Variants in TRIM61 observed in about 807,000 individuals in gnomAD.
The protein encoded by TRIM61 is putative tripartite motif-containing protein 61.
TRIM61 carries 1 observed loss-of-function variant against 14.2 expected under a neutral mutation model. The ratio of observed to expected loss-of-function variants is 0.07; its 90% CI spans 0.03 to 0.33. The LOEUF (loss-of-function observed/expected upper bound fraction) is 0.33. Ranked by LOEUF, TRIM61 falls within the 10% of genes least tolerant of loss-of-function variation. The pLI, the probability that TRIM61 is intolerant of heterozygous loss-of-function variation, is 0.99. For synonymous variants in TRIM61, 8 were observed against 71.6 expected (o/e 0.11, Z 4.49); for missense variants, 19 against 202.2 (o/e 0.09, Z 5.49).
rs146266714 is a variant in TRIM61 at position 164,967,805 on chromosome 4, C to T, written c.525+1673G>A. Among the ~76,000 whole-genome samples, 1,139 of 150,524 alleles carry T rather than the reference C, an allele frequency of 7.6e-3. 11 individuals are homozygous for T. Among genetic ancestry groups the T allele is most frequent in the African/African-American group, 0.026 (1,070 of 40,836 alleles). ...GCTTGAGGCCACAAGTTCAACACCA[C>T]GCTGGGCAAAATAGAAAAATAAAAA... On this transcript the variant is annotated intron_variant, in intron 3 of 4. Transcript: ENST00000329314.
chr4:164,957,210 C>T, intron 3 of TRIM61: 1 of 1,614,038 alleles, frequency 6.2e-7, no homozygotes, highest in Non-Finnish European at 8.5e-7. Context: ...CTCAGACATC[C>T]AGGGACGACC....
Position 164,955,612 on chromosome 4 carries a change from C to T in TRIM61, c.526-516G>A, listed in dbSNP as rs75228424. 8.8e-4 allele frequency among the ~76,000 whole-genome samples: 129 copies of T among 146,444 alleles called. 3 individuals carry two copies. The East Asian group carries it at 0.015, about 17-fold the overall frequency. On this transcript the variant is annotated intron_variant, in intron 3 of 4. Transcript: ENST00000329314. ...AAAACAAGTTTTCCAGAAGATATGT[C>T]TTTATTGGTGTTTATATTTACAGAA...
chr4:164,957,217 G>C, intron 3 of TRIM61: 1 of 1,613,984 alleles, frequency 6.2e-7, no homozygotes, highest in Non-Finnish European at 8.5e-7. Context: ...ATCCAGGGAC[G>C]ACCACATTCG....
intron 1 of TRIM61, among the ~76,000 whole-genome samples, chr4:164,977,313 C>T (rs1410818750): frequency 6.6e-6 from 1 of 152,180 alleles, no homozygotes; most frequent in African/African-American, 2.4e-5. Flanking sequence ...TAATTCAGAT[C>T]ATAACATTTA....
At chr4:164,972,010 C>G (rs2111150787) in intron 2 of TRIM61, among the ~76,000 whole-genome samples, 1 of 152,322 alleles carries the variant, frequency 6.6e-6, no homozygotes. Flanking sequence ...TCTCTTTAGA[C>G]TAGCAGAATA....
intron 2 of TRIM61, among the ~76,000 whole-genome samples, chr4:164,974,385 A>G (rs779592695): frequency 1.3e-5 from 2 of 152,236 alleles, no homozygotes; most frequent in Non-Finnish European, 2.9e-5. Flanking sequence ...TGGCAAGTTC[A>G]GCATCCACTA....
At chr4:164,964,730 C>T (rs1053445334) in intron 3 of TRIM61, among the ~76,000 whole-genome samples, 3 of 152,134 alleles carry the variant, frequency 2.0e-5, no homozygotes, top group African/African-American at 4.8e-5. Context: ...TAGCCAGAAA[C>T]TGGCAAGGGG....
chr4:164,969,385 T>A, intron 3 of TRIM61: 1 of 1,591,956 alleles, frequency 6.3e-7, no homozygotes, highest in Middle Eastern at 1.8e-4. Flanking sequence ...TCTCTTCATC[T>A]TGTAATTGCC....
chr4:164,958,072 A>G (rs889050294), intron 3 of TRIM61: 3 of 167,114 alleles, frequency 1.8e-5, no homozygotes, highest in Admixed American at 1.3e-4. Flanking sequence ...ACAAAAACTC[A>G]TGATCCAAAA....
chr4:164,976,017 C>T (rs931577399), intron 2 of TRIM61, among the ~76,000 whole-genome samples: 3 of 152,120 alleles, frequency 2.0e-5, no homozygotes, highest in East Asian at 3.9e-4. Context: ...TTCTTTACTC[C>T]GCTGAGATGT....
chr4:164,962,220 T>A (rs1350198963), intron 3 of TRIM61, among the ~76,000 whole-genome samples: 1 of 143,180 alleles, frequency 7.0e-6, no homozygotes, highest in Admixed American at 7.0e-5. Flanking sequence ...AATAGTTACT[T>A]CTTTTTTTTT....
chr4:164,973,348 C>T (rs745331347), intron 2 of TRIM61, among the ~76,000 whole-genome samples: 14 of 152,228 alleles, frequency 9.2e-5, no homozygotes, highest in Non-Finnish European at 1.6e-4. Context: ...CTAAGTTGTA[C>T]TGCTCCTTCT....
chr4:164,954,946 C>G (rs1162305338), intron 4 of TRIM61: 1 of 323,832 alleles, frequency 3.1e-6, no homozygotes, highest in African/African-American at 2.3e-5. Context: ...ACTAGAAATA[C>G]AGAAGTTAGC....
At chr4:164,961,153 CAAAAAAAAAAAAAAAAAAA>C (rs762554625) in intron 3 of TRIM61, among the ~76,000 whole-genome samples, 131 of 31,708 alleles carry the variant, frequency 4.1e-3, no homozygotes, top group Non-Finnish European at 5.0e-3. Flanking sequence ...AACTCTCAGG[CAAAAAAAAAAAAAAAAAAA>C]AAAAAAAAAA....
chr4:164,971,546 G>A (rs577353383), intron 2 of TRIM61, among the ~76,000 whole-genome samples: 2 of 149,780 alleles, frequency 1.3e-5, no homozygotes, highest in African/African-American at 4.9e-5. Flanking sequence ...AGTGGAGATC[G>A]TACCATCGCA....
At chr4:164,966,764 T>C (rs1261860280) in intron 3 of TRIM61, among the ~76,000 whole-genome samples, 2 of 151,858 alleles carry the variant, frequency 1.3e-5, no homozygotes, top group African/African-American at 4.8e-5. Context: ...AATACAAAAA[T>C]TAGCTGGGCA....
intron 3 of TRIM61, among the ~76,000 whole-genome samples, chr4:164,960,256 T>A (rs1383797998): frequency 6.6e-6 from 1 of 152,152 alleles, no homozygotes; most frequent in African/African-American, 2.4e-5. Context: ...ATAAATTTCC[T>A]GTTATGGGCT....
chr4:164,956,739 C>A (rs189769120), intron 3 of TRIM61, among the ~76,000 whole-genome samples: 44 of 152,086 alleles, frequency 2.9e-4, no homozygotes, highest in Middle Eastern at 3.5e-3. Context: ...AGGGAGAGCC[C>A]TCAGTCTGGC....
chr4:164,957,064 C>G, intron 3 of TRIM61: 1 of 1,527,802 alleles, frequency 6.5e-7, no homozygotes. Context: ...GTCCTCTTCT[C>G]CCCGGACCCA....
Sources: allele counts gnomAD v4.1 joint callset (sites outside exome capture counted in the v4.1 genomes callset), GRCh38; gene constraint gnomAD v4.1.1; transcripts MANE v1.5; gene names NCBI Gene and HGNC (gene_info 2026-07-23, HGNC 2026-07-21).